AGRN: variants seen among roughly 807,000 people sequenced by gnomAD.
AGRN encodes the protein agrin.
In AGRN, 106 loss-of-function variants were observed where a neutral mutation model predicts 211.0. The observed-to-expected ratio is 0.50, with a 90% CI of 0.43 to 0.59. The LOEUF (loss-of-function observed/expected upper bound fraction) is 0.59, where lower values mean the gene tolerates loss of function less well. AGRN is among the 20% of genes least tolerant of loss of function. The probability of loss-of-function intolerance (pLI) is 0.00; values close to 1 mark genes in which losing one functional copy is unlikely to be tolerated. For missense variants in AGRN, 3,040 were observed against 2,982.6 expected (o/e 1.02, Z -0.45); for synonymous variants, 1,525 against 1,332.5 (o/e 1.14, Z -3.15).
intron 33 of AGRN, chr1:1,052,209 G>A (rs982843902): frequency 3.5e-6 from 2 of 569,580 alleles, no homozygotes; most frequent in Non-Finnish European, 5.6e-6. Context: ...CACAGGCCGA[G>A]GGTCGCCCCA....
Position 1,035,176 on chromosome 1 carries a change from G to T in AGRN, c.464-101G>T, listed in dbSNP as rs1046795175. 41 of 1,246,694 alleles carry T rather than the reference G, an allele frequency of 3.3e-5. 1 individual carries two copies. Among genetic ancestry groups the T allele is most frequent in the African/African-American group, 1.4e-4 (9 of 65,630 alleles). 77.2% of individuals were successfully genotyped at this position (1,246,694 alleles called of 1,614,324 possible). On this transcript the variant is annotated intron_variant, in intron 2 of 35. Coordinates refer to ENST00000379370, the MANE Select transcript of AGRN (RefSeq NM_198576.4). ...GATCCCTGGGGCTAGCGGTGGGGGG[G>T]GGGGGGTGGGCAGGGGTGCCCCTTT...
intron 1 of AGRN, 145 bp from the exon 2 acceptor site, chr1:1,022,056 C>T (rs1469947720): frequency 9.6e-7 from 1 of 1,043,606 alleles, no homozygotes; most frequent in Non-Finnish European, 1.4e-6. Flanking sequence ...CCAGCTTCCG[C>T]CCAGCGGGCT....
At chr1:1,053,542 C>A (rs746594352) in intron 33 of AGRN, 1 of 1,527,018 alleles carries the variant, frequency 6.5e-7, no homozygotes, top group Non-Finnish European at 8.8e-7. Context: ...GCCCATCTGT[C>A]CTCCCGCCCG....
rs1030893077 is a variant in AGRN, at chr1:1,044,458, G to A, written c.2254+19G>A. ...TGCCGAGGTGAGCCGGCTGCACGTG[G>A]GGTCTCAGGCACAGGCGGGGCGGCG... On this transcript the variant is annotated intron_variant, in intron 12 of 35. Coordinates refer to ENST00000379370, the MANE Select transcript of AGRN (RefSeq NM_198576.4). 6.3e-7 allele frequency: 1 copy of A among 1,595,958 alleles called. No individual in the cohort carries two copies. The highest frequency in any genetic ancestry group is 8.5e-7 in the Non-Finnish European group (1 of 1,172,072).
At chr1:1,034,308 T>C (rs529211741) in intron 2 of AGRN, 2 of 985,378 alleles carry the variant, frequency 2.0e-6, no homozygotes, top group South Asian at 9.4e-5. Context: ...CTCCTCCGCC[T>C]ACCTCGGAGC....
rs868696502 is a variant in AGRN at position 1,028,331 on chromosome 1, C to A, written c.463+5869C>A. Among the ~76,000 whole-genome samples the A allele has an allele frequency of 1.9e-3, 277 of 143,654 alleles. 13 individuals are homozygous for A. Among genetic ancestry groups the A allele is most frequent in the African/African-American group, 6.6e-3 (252 of 38,032 alleles). 94.2% of individuals were successfully genotyped at this position (143,654 alleles called of 152,430 possible). ...TCCCGTGGGGAAACGCCCCCCCCCC[C>A]CCCCCGCCCTGCACCTGGCTGGCGG... is the stretch of plus-strand genomic sequence containing the variant. On this transcript the variant is annotated intron_variant, in intron 2 of 35. Transcript: ENST00000379370.
In AGRN at chr1:1,054,925, C is replaced by G; in HGVS notation, c.6082C>G (p.His2028Asp). Residue 2028 changes from histidine (H) to aspartate (D), a missense_variant, in exon 36 of 36, where the codon CAC (histidine) becomes GAC (aspartate). His to Asp is a moderately conservative substitution (Grantham distance 81). Around this residue, in one of 3 missense-constraint regions of AGRN, gnomAD observed 1,537 missense variants for 1,505.0 expected, o/e 1.02. Transcript: ENST00000379370. The stretch of plus-strand genomic sequence containing the variant: ...CGTGGTGGTGGGCCGGCACCCGCTG[C>G]ACCTGCTGGAGGACGCCGTCACCAA... The part of the protein sequence containing the change: ...RDVVVGRHPL[H>D]LLEDAVTKPE... 4 of 1,548,824 alleles carry G rather than the reference C, an allele frequency of 2.6e-6. No individual in the cohort carries two copies. In the South Asian group the frequency reaches 3.6e-5, roughly 14 times the overall value.
In AGRN at chr1:1,046,949, A is replaced by C. The variant is rs1214759211; in HGVS notation, c.3380A>C (p.Asn1127Thr). 3.8e-6 allele frequency: 6 copies of C among 1,579,434 alleles called. No homozygotes were observed. Among genetic ancestry groups the C allele is most frequent in the Non-Finnish European group, 4.3e-6 (5 of 1,163,570 alleles). ...KTPSLDAEGSNCPATKVFQGV... is the reference protein window; with the variant it reads ...KTPSLDAEGSTCPATKVFQGV... Reference sequence around the variant, plus strand: ...CCCTCGCTGGACGCAGAGGGCTCCAACTGCCCCGGTGAGTGGACGGCTGGG... The same window carrying C: ...CCCTCGCTGGACGCAGAGGGCTCCACCTGCCCCGGTGAGTGGACGGCTGGG... The change falls in exon 19 of 36, where the codon AAC (asparagine) becomes ACC (threonine). Residue 1127 changes from asparagine (N) to threonine (T), a missense_variant. This residue lies in a region of AGRN where 1,537 missense variants were observed against 1,505.0 expected (regional missense o/e 1.02). Coordinates refer to ENST00000379370, the MANE Select transcript of AGRN (RefSeq NM_198576.4).
In AGRN at chr1:1,020,247, C is replaced by T. The variant is rs751987155; in HGVS notation, c.75C>T (p.Pro25=). The change falls in exon 1 of 36, where the codon CCC becomes CCT. Residue 25 remains proline, a synonymous_variant. Coordinates refer to ENST00000379370, the MANE Select transcript of AGRN (RefSeq NM_198576.4). ...PLLVVAACVL[P]GAGGTCPERA... is the part of the protein sequence containing the mutation. ...TTGTGGTGGCCGCGTGCGTCCTGCC[C>T]GGAGCCGGCGGGACATGCCCGGAGC... is the stretch of plus-strand genomic sequence containing the variant. The T allele has an allele frequency of 3.4e-6, 5 of 1,454,652 alleles. No individual in the cohort carries two copies. The South Asian group carries it at 4.0e-5, about 12-fold the overall frequency. 90.1% of individuals were successfully genotyped at this position (1,454,652 alleles called of 1,614,324 possible). A position where few individuals can be genotyped will look rare whatever the true frequency, so the allele number is the denominator to read the frequency against.
chr1:1,025,852 C>T (rs937453442), intron 2 of AGRN, among the ~76,000 whole-genome samples: 6 of 151,956 alleles, frequency 3.9e-5, no homozygotes, highest in South Asian at 2.1e-4. Flanking sequence ...GGGGGTCTGC[C>T]GGGTGAAGGG....
At chr1:1,049,120 G>GGGGGGGGCCGGGGCAGCTC in intron 24 of AGRN, 61 bp downstream of exon 24, 1 of 915,376 alleles carries the variant, frequency 1.1e-6, no homozygotes, top group Non-Finnish European at 1.5e-6. Flanking sequence ...ACGGGCGGGG[G>GGGGGGGGCCGGGGCAGCTC]AGGGGGGGCC....
Position 1,047,617 on chromosome 1 carries a change from G to A in AGRN, c.3561G>A (p.Arg1187=). Residue 1187 remains arginine, a synonymous_variant, in exon 21 of 36, where the codon CGG becomes CGA. Transcript: ENST00000379370. ...FRNSDVKKDF[R]SVRLRDLGPG... ...ATTCAGACGTCAAGAAGGATTTTCG[G>A]AGTGTCCGCTTGCGGGACCTGGGGC... 1 of 1,613,044 alleles carries A rather than the reference G, an allele frequency of 6.2e-7. No homozygotes were observed. Among genetic ancestry groups the A allele is most frequent in the South Asian group, 1.1e-5 (1 of 91,084 alleles).
In AGRN at chr1:1,048,579, T is replaced by A; in HGVS notation, c.4105+214T>A. The A allele has an allele frequency of 3.4e-6, 2 of 590,670 alleles. No individual in the cohort carries two copies. The highest frequency in any genetic ancestry group is 5.8e-6 in the Non-Finnish European group (2 of 342,334). The allele number at this position is 590,670 out of a possible 1,614,324, so 36.6% of individuals were successfully genotyped here. A position where few individuals can be genotyped will look rare whatever the true frequency, so the allele number is the denominator to read the frequency against. On this transcript the variant is annotated intron_variant, in intron 23 of 35. Transcript: ENST00000379370. This position sits in a 1 kb window ranked among gnomAD's most constrained non-coding sequence, Gnocchi z 5.9. The stretch of plus-strand genomic sequence containing the variant: ...TGAGGTCGGGAGTTCGAGACCAGCC[T>A]GACCAACATGGAGACACTCTGTCTC...
intron 1 of AGRN, 67 bp from the exon 2 acceptor site, chr1:1,022,134 T>G: frequency 6.2e-7 from 1 of 1,600,054 alleles, no homozygotes; most frequent in Non-Finnish European, 8.5e-7. Context: ...CCTAAACACC[T>G]AAAGCCCCCA....
chr1:1,053,131 A>C, intron 33 of AGRN: 2 of 273,186 alleles, frequency 7.3e-6, no homozygotes, highest in Non-Finnish European at 1.4e-5. Context: ...ATACCACCCT[A>C]CGCCTACCTC....
At chr1:1,034,966 G>C (rs1425468440) in intron 2 of AGRN, 1 of 505,360 alleles carries the variant, frequency 2.0e-6, no homozygotes, top group Non-Finnish European at 3.6e-6. Flanking sequence ...GGCAGTTGGG[G>C]GTAGGGCAGG....
chr1:1,046,501 C>G lies in AGRN; in HGVS notation c.3016C>G (p.Leu1006Val). 6.2e-7 allele frequency: 1 copy of G among 1,610,884 alleles called. No individual in the cohort carries two copies. The highest frequency in any genetic ancestry group is 8.5e-7 in the Non-Finnish European group (1 of 1,178,842). The change falls in exon 18 of 36, where the codon CTG (leucine) becomes GTG (valine). Residue 1006 changes from leucine (L) to valine (V), a missense_variant. Leu to Val is a conservative substitution (Grantham distance 32, BLOSUM62 1). Transcript: ENST00000379370. Reference sequence around the variant, plus strand: ...GCCGGCCCCCCCCGGCGCCCTCCCCCTGGCTCCCAGCAGTACCGCACACAG... The same window carrying G: ...GCCGGCCCCCCCCGGCGCCCTCCCCGTGGCTCCCAGCAGTACCGCACACAG... The part of the protein sequence containing the change: ...ALPAPPGALP[L>V]APSSTAHSQT...
At chr1:1,030,377 ATGTG>A (rs201683978) in intron 2 of AGRN, among the ~76,000 whole-genome samples, 13 of 11,718 alleles carry the variant, frequency 1.1e-3, no homozygotes, top group South Asian at 6.9e-3. Context: ...TGAGATCAGC[ATGTG>A]TGTGTGTGTG....
At chr1:1,052,221 A>G (rs1022596683) in intron 33 of AGRN, 4 of 453,774 alleles carry the variant, frequency 8.8e-6, no homozygotes, top group African/African-American at 2.0e-5. Flanking sequence ...GTCGCCCCAC[A>G]GCCAACCCCC....
Sources: allele counts gnomAD v4.1 joint callset (sites outside exome capture counted in the v4.1 genomes callset), GRCh38; gene constraint gnomAD v4.1.1; regional missense constraint gnomAD v4.1.1; non-coding constraint Gnocchi (gnomAD v3.1); transcripts MANE v1.5; gene names NCBI Gene and HGNC (gene_info 2026-07-23, HGNC 2026-07-21).